The following PITPNM2 variants were observed in gnomAD, a reference collection of about 807,000 sequenced individuals.
PITPNM2 encodes the protein membrane-associated phosphatidylinositol transfer protein 2.
PITPNM2 carries 35 observed loss-of-function variants against 132.2 expected under a neutral mutation model. That is an observed-to-expected ratio of 0.26 (90% CI 0.20 to 0.35). The LOEUF is 0.35. PITPNM2 is among the 10% of genes least tolerant of loss of function. The pLI, the probability that PITPNM2 is intolerant of heterozygous loss-of-function variation, is 1.00. For missense variants in PITPNM2, 1,332 were observed against 1,912.0 expected (o/e 0.70, Z 5.66); for synonymous variants, 738 against 799.2 (o/e 0.92, Z 1.29).
At chr12:123,072,153 A>C (rs941025368) in intron 2 of PITPNM2, among the ~76,000 whole-genome samples, 1 of 152,216 alleles carries the variant, frequency 6.6e-6, no homozygotes, top group Non-Finnish European at 1.5e-5. Context: ...AGGAAAAGTG[A>C]GGACGCTGGC....
chr12:123,137,662 A>G (rs2851441), intron 1 of PITPNM2, among the ~76,000 whole-genome samples: 101,489 of 151,858 alleles, frequency 0.67, 36,860 homozygotes, highest in East Asian at 0.97. Context: ...GGAGGCCGAG[A>G]CAGGCGGATC....
At chr12:123,056,792 G>T (rs2041044103) in intron 2 of PITPNM2, among the ~76,000 whole-genome samples, 1 of 152,136 alleles carries the variant, frequency 6.6e-6, no homozygotes, top group Non-Finnish European at 1.5e-5. Flanking sequence ...CTGTGCCCAA[G>T]ATCCTATCAA....
Position 123,029,827 on chromosome 12 carries a change from CTGTG to C in PITPNM2, c.78+4682_78+4685del, listed in dbSNP as rs57222285. On this transcript the variant is annotated intron_variant, in intron 3 of 25. Transcript: ENST00000320201. ...GTTGTGTGTGGACACACATATGTGT[CTGTG>C]TGTGTGTGTGTGTGTGTGTGTGTGT... Among the ~76,000 whole-genome samples the C allele has an allele frequency of 8.9e-3, 1,207 of 135,406 alleles. 4 individuals are homozygous for C. Among genetic ancestry groups the C allele is most frequent in the South Asian group, 0.014 (63 of 4,402 alleles). The allele number at this position is 135,406 out of a possible 152,430, so 88.8% of individuals were successfully genotyped here. A position where few individuals can be genotyped will look rare whatever the true frequency, so the allele number is the denominator to read the frequency against.
At chr12:123,151,105 G>C (rs912679116), upstream of PITPNM2, among the ~76,000 whole-genome samples, 1 of 146,140 alleles carries the variant, frequency 6.8e-6, no homozygotes, top group African/African-American at 2.5e-5. Flanking sequence ...GCGCGCGCCG[G>C]GCCGGGCTCG....
At chr12:123,049,456 T>G (rs1566266960) in intron 2 of PITPNM2, among the ~76,000 whole-genome samples, 2 of 152,234 alleles carry the variant, frequency 1.3e-5, no homozygotes, top group African/African-American at 4.8e-5. Context: ...TCCAGCCACA[T>G]GGCTGCTTGC....
In PITPNM2 at chr12:123,102,892, C is replaced by T. The variant is rs867409416; in HGVS notation, c.-96+7493G>A. Among the ~76,000 whole-genome samples, 6 of 152,328 alleles carry T rather than the reference C, an allele frequency of 3.9e-5. No homozygotes were observed. The Middle Eastern group carries it at 0.01, about 259-fold the overall frequency. On this transcript the variant is annotated intron_variant, in intron 2 of 25. Transcript: ENST00000320201. Reference sequence around the variant, plus strand: ...CTGTCAGATCTCAGCCCCCACCAACCTTCCTTGCCCGTTGTATTCCAAGGG... The same window carrying T: ...CTGTCAGATCTCAGCCCCCACCAACTTTCCTTGCCCGTTGTATTCCAAGGG...
At chr12:123,096,073 C>T (rs1439353177) in intron 2 of PITPNM2, among the ~76,000 whole-genome samples, 2 of 152,220 alleles carry the variant, frequency 1.3e-5, no homozygotes, top group Admixed American at 6.5e-5. Flanking sequence ...ATACACATGT[C>T]GCCTGCTCAG....
intron 3 of PITPNM2, among the ~76,000 whole-genome samples, chr12:123,018,293 C>CTTTTTTTT (rs3085478): frequency 4.0e-5 from 5 of 126,322 alleles, no homozygotes; most frequent in African/African-American, 1.2e-4. Context: ...TTTTTCTTTT[C>CTTTTTTTT]TTTTTTTTTT....
rs1284066784 is a variant in PITPNM2 at position 123,022,541 on chromosome 12, C to T, written c.79-8499G>A. The stretch of plus-strand genomic sequence containing the variant: ...GCCCCAAGCAGGAGATCTCCTGACC[C>T]TGTCTCAGTTTACAACTTGCCTTTG... On this transcript the variant is annotated intron_variant, in intron 3 of 25. Transcript: ENST00000320201. The surrounding 1 kb of genome is among the most constrained non-coding windows in gnomAD (Gnocchi z 4.9). Among the ~76,000 whole-genome samples, 1 of 152,166 alleles carries T rather than the reference C, an allele frequency of 6.6e-6. No individual in the cohort carries two copies. Among genetic ancestry groups the T allele is most frequent in the African/African-American group, 2.4e-5 (1 of 41,422 alleles).
chr12:123,114,217 C>T (rs1254902022), intron 1 of PITPNM2, among the ~76,000 whole-genome samples: 1 of 151,850 alleles, frequency 6.6e-6, no homozygotes, highest in Non-Finnish European at 1.5e-5. Context: ...CCTAGTTATT[C>T]CTAATTTTTT....
chr12:122,985,522 T>G lies in PITPNM2; in HGVS notation c.*505A>C. On this transcript the variant is annotated 3_prime_UTR_variant, in exon 26 of 26. Coordinates refer to ENST00000320201, the MANE Select transcript of PITPNM2 (RefSeq NM_020845.3). ...ATGCATGTCAACGGGGCTGTAGCCA[T>G]AGGAGGTGGTAATGGGTCTCCGCTC... The G allele has an allele frequency of 6.5e-6, 1 of 153,830 alleles. No homozygotes were observed. Among genetic ancestry groups the G allele is most frequent in the Non-Finnish European group, 1.5e-5 (1 of 68,916 alleles). The allele number at this position is 153,830 out of a possible 1,614,324, so 9.5% of individuals were successfully genotyped here.
At chr12:123,134,120 C>T (rs1456182143) in intron 1 of PITPNM2, among the ~76,000 whole-genome samples, 1 of 152,122 alleles carries the variant, frequency 6.6e-6, no homozygotes, top group East Asian at 1.9e-4. Context: ...GGCTGGAGTG[C>T]AGAGGCGTGA....
Position 123,111,629 on chromosome 12 carries a change from C to T in PITPNM2, c.-199-1141G>A, listed in dbSNP as rs2042835764. Among the ~76,000 whole-genome samples, 1 of 152,192 alleles carries T rather than the reference C, an allele frequency of 6.6e-6. No homozygotes were observed. Among genetic ancestry groups the T allele is most frequent in the Non-Finnish European group, 1.5e-5 (1 of 68,030 alleles). On this transcript the variant is annotated intron_variant, in intron 1 of 25. Transcript: ENST00000320201. The surrounding 1 kb of genome is among the most constrained non-coding windows in gnomAD (Gnocchi z 4.1). ...GGAGCGGGCGGCTCTTCCAACCCCG[C>T]CACCGCCACCGCGTCCTGCATGCCC...
chr12:123,037,670 C>T (rs923769340), intron 2 of PITPNM2, among the ~76,000 whole-genome samples: 1 of 152,184 alleles, frequency 6.6e-6, no homozygotes, highest in African/African-American at 2.4e-5. Context: ...CCTGCTCATC[C>T]CCATGCAAAT....
intron 19 of PITPNM2, 108 bp downstream of exon 19, chr12:122,988,616 C>T (rs951502903): frequency 8.3e-7 from 1 of 1,211,140 alleles, no homozygotes; most frequent in Admixed American, 2.6e-5. Flanking sequence ...GCTCTGTGAT[C>T]TGATGGGGTT....
At chr12:123,133,821 C>CACACACACAT (rs1555299890) in intron 1 of PITPNM2, among the ~76,000 whole-genome samples, 2 of 150,708 alleles carry the variant, frequency 1.3e-5, no homozygotes, top group African/African-American at 4.9e-5. Flanking sequence ...CACAGACACA[C>CACACACACAT]ACACGCTCCT....
rs539066604 is a variant in PITPNM2, at chr12:122,988,362, G to A, written c.2881-12C>T. 1 of 1,610,178 alleles carries A rather than the reference G, an allele frequency of 6.2e-7. No homozygotes were observed. Among genetic ancestry groups the A allele is most frequent in the Non-Finnish European group, 8.5e-7 (1 of 1,177,356 alleles). On this transcript the variant is annotated splice_polypyrimidine_tract_variant and intron_variant, in intron 19 of 25. Coordinates refer to ENST00000320201, the MANE Select transcript of PITPNM2 (RefSeq NM_020845.3). ...TCATGCCTCATGACCTGGGAAGAGG[G>A]GACAGTGCAGGCTGTGGGGCAGATG... is the stretch of plus-strand genomic sequence containing the variant.
At chr12:122,987,682 G>C (rs747733030) in intron 21 of PITPNM2, 23 bp from the exon 22 acceptor site, 4 of 1,610,854 alleles carry the variant, frequency 2.5e-6, no homozygotes, top group African/African-American at 1.3e-5. Context: ...GGCTGGTCAC[G>C]GGCTGGCTGT....
Position 123,009,838 on chromosome 12 carries a change from G to T in PITPNM2, c.643+12C>A. 6.2e-7 allele frequency: 1 copy of T among 1,612,448 alleles called. No homozygotes were observed. The highest frequency in any genetic ancestry group is 1.1e-5 in the South Asian group (1 of 91,050). On this transcript the variant is annotated intron_variant, in intron 6 of 25. Coordinates refer to ENST00000320201, the MANE Select transcript of PITPNM2 (RefSeq NM_020845.3). The surrounding 1 kb of genome is among the most constrained non-coding windows in gnomAD (Gnocchi z 4.8). ...AGCCCAGCCACTGCCCACCTGGCAT[G>T]GGTGTGCTCACCGGTGTCGTGGATG...
Sources: allele counts gnomAD v4.1 joint callset (sites outside exome capture counted in the v4.1 genomes callset), GRCh38; gene constraint gnomAD v4.1.1; non-coding constraint Gnocchi (gnomAD v3.1); transcripts MANE v1.5; gene names NCBI Gene and HGNC (gene_info 2026-07-23, HGNC 2026-07-21).